The following KLF12 variants were observed in gnomAD, a reference collection of about 807,000 sequenced individuals.
KLF12 encodes Krueppel-like factor 12.
Under a neutral mutation model 37.8 loss-of-function variants are expected in KLF12, and 9 were observed. The observed-to-expected ratio is 0.24, with a 90% CI of 0.14 to 0.42. KLF12 has a LOEUF of 0.42. Ranked by LOEUF, KLF12 falls within the 10% of genes least tolerant of loss-of-function variation. KLF12 has a pLI of 1.00. For synonymous variants in KLF12, 208 were observed against 202.1 expected (o/e 1.03, Z -0.25); for missense variants, 411 against 516.0 (o/e 0.80, Z 1.97).
At chr13:73,884,708 T>A (rs1887136084) in intron 3 of KLF12, among the ~76,000 whole-genome samples, 1 of 152,246 alleles carries the variant, frequency 6.6e-6, no homozygotes, top group South Asian at 2.1e-4. Context: ...ATATGCCTAA[T>A]ATGACTGAAG....
the KLF12 span, among the ~76,000 whole-genome samples, chr13:74,287,200 G>A: frequency 6.6e-6 from 1 of 152,030 alleles, no homozygotes; most frequent in Admixed American, 6.5e-5. Context: ...GCTGGCTGCC[G>A]CTTCCACAGC....
intron 1 of KLF12, among the ~76,000 whole-genome samples, chr13:74,034,366 G>C (rs1306806889): frequency 6.6e-6 from 1 of 152,104 alleles, no homozygotes; most frequent in Non-Finnish European, 1.5e-5. Context: ...ACCACACCCG[G>C]CCCATTTATG....
At position 73,691,821 on chromosome 13, in the gene KLF12, A is replaced by G. The variant is rs1873839142; in HGVS notation, c.*3669T>C. ...AAGTGCAGAATTATGTTTAAAACAC[A>G]GATGGCAATTTAAAGTTAAAAAGAA... On this transcript the variant is annotated 3_prime_UTR_variant, in exon 8 of 8. Transcript: ENST00000377669. The G allele has an allele frequency of 6.6e-6, 1 of 152,640 alleles. No individual in the cohort carries two copies. Among genetic ancestry groups the G allele is most frequent in the Non-Finnish European group, 1.5e-5 (1 of 68,030 alleles). The allele number at this position is 152,640 out of a possible 1,614,324, so 9.5% of individuals were successfully genotyped here.
At position 73,741,993 on chromosome 13, in the gene KLF12, T is replaced by C. The variant is rs574432739; in HGVS notation, c.869+22945A>G. 2.7e-5 allele frequency among the ~76,000 whole-genome samples: 4 copies of C among 150,264 alleles called. No individual in the cohort carries two copies. The South Asian group carries it at 8.7e-4, about 33-fold the overall frequency. On this transcript the variant is annotated intron_variant, in intron 6 of 7. Coordinates refer to ENST00000377669, the MANE Select transcript of KLF12 (RefSeq NM_007249.5). ...CAACTGACAAGAGACTTCACTTTCC[T>C]GCAGTCACTCACGTTGACCTTTTAC... is the stretch of plus-strand genomic sequence containing the variant.
At chr13:73,960,261 C>A in intron 2 of KLF12, 1 of 183,420 alleles carries the variant, frequency 5.5e-6, no homozygotes, top group East Asian at 1.6e-4. Context: ...GTGAAAAAAA[C>A]AGTATGTTCC....
the KLF12 span, among the ~76,000 whole-genome samples, chr13:74,148,492 C>A: frequency 1.4e-5 from 2 of 143,826 alleles, no homozygotes; most frequent in South Asian, 2.4e-4. Context: ...CACTCCCCCC[C>A]CACCCCACCC....
the KLF12 span, among the ~76,000 whole-genome samples, chr13:74,186,985 G>T: frequency 6.6e-6 from 1 of 152,246 alleles, no homozygotes; most frequent in Non-Finnish European, 1.5e-5. Context: ...TATTAAATGA[G>T]CTATCATACA....
rs956858203 is a variant in KLF12, at chr13:73,860,614, C to T, written c.124-14241G>A. ...AATAAATAAGCTGGGTGTGGTGGTG[C>T]ACACCTGTAGTCTTAGCCATGCCAA... On this transcript the variant is annotated intron_variant, in intron 3 of 7. Coordinates refer to ENST00000377669, the MANE Select transcript of KLF12 (RefSeq NM_007249.5). 3.9e-5 allele frequency among the ~76,000 whole-genome samples: 6 copies of T among 152,132 alleles called. No homozygotes were observed. In the East Asian group the frequency reaches 7.7e-4, roughly 20 times the overall value.
chr13:74,293,169 T>C, the KLF12 span, among the ~76,000 whole-genome samples: 1 of 152,168 alleles, frequency 6.6e-6, no homozygotes, highest in East Asian at 1.9e-4. Context: ...GTTAAGACAA[T>C]GAGAATACAC....
intron 1 of KLF12, among the ~76,000 whole-genome samples, chr13:74,061,714 C>T (rs1442523193): frequency 2.6e-5 from 4 of 152,188 alleles, no homozygotes; most frequent in Non-Finnish European, 4.4e-5. Flanking sequence ...CATGGTGGCA[C>T]TCTCTGAGCA....
At chr13:74,088,907 T>C (rs1875481773) in intron 1 of KLF12, among the ~76,000 whole-genome samples, 2 of 152,220 alleles carry the variant, frequency 1.3e-5, no homozygotes, top group African/African-American at 4.8e-5. Flanking sequence ...AACAGGATGT[T>C]TCAAGACAAT....
chr13:74,186,210 T>C, the KLF12 span, among the ~76,000 whole-genome samples: 1 of 152,162 alleles, frequency 6.6e-6, no homozygotes, highest in Non-Finnish European at 1.5e-5. Flanking sequence ...TCTTAGGAGA[T>C]ATGTAAGAAA....
At chr13:74,116,219 C>T (rs1877295964) in intron 1 of KLF12, among the ~76,000 whole-genome samples, 2 of 152,184 alleles carry the variant, frequency 1.3e-5, no homozygotes, top group Admixed American at 6.5e-5. Context: ...TAAGAAATTA[C>T]TAAGGATTAC....
chr13:73,898,460 T>C (rs1459303823), intron 3 of KLF12, among the ~76,000 whole-genome samples: 1 of 152,182 alleles, frequency 6.6e-6, no homozygotes, highest in Non-Finnish European at 1.5e-5. Context: ...CAGTCATAAA[T>C]ATCTAGGGCC....
the KLF12 span, among the ~76,000 whole-genome samples, chr13:74,152,133 T>C: frequency 1.3e-5 from 2 of 152,210 alleles, no homozygotes; most frequent in Non-Finnish European, 2.9e-5. Flanking sequence ...ACTGGGCTCC[T>C]ACAGTGATGA....
Position 74,076,313 on chromosome 13 carries a change from T to A in KLF12, c.-32+57426A>T, listed in dbSNP as rs536757975. Among the ~76,000 whole-genome samples, 255 of 152,302 alleles carry A rather than the reference T, an allele frequency of 1.7e-3. 1 individual carries two copies. The highest frequency in any genetic ancestry group is 5.9e-3 in the African/African-American group (244 of 41,562). On this transcript the variant is annotated intron_variant, in intron 1 of 7. Transcript: ENST00000377669. ...CCTAGATTATAAAAACAAAATAACC[T>A]AGGTAATTTATAAAGTAGAGAAATT...
chr13:74,240,417 G>A, the KLF12 span, among the ~76,000 whole-genome samples: 1 of 74,452 alleles, frequency 1.3e-5, no homozygotes, highest in Admixed American at 1.5e-4. Flanking sequence ...TGACAATTAT[G>A]TGTCTTGGAG....
At chr13:73,970,299 C>A (rs1891293477) in intron 2 of KLF12, among the ~76,000 whole-genome samples, 2 of 151,524 alleles carry the variant, frequency 1.3e-5, no homozygotes, top group Non-Finnish European at 2.9e-5. Flanking sequence ...AACCTAATGA[C>A]AAGACACATA....
At chr13:74,260,768 T>C in the KLF12 span, among the ~76,000 whole-genome samples, 1 of 151,928 alleles carries the variant, frequency 6.6e-6, no homozygotes, top group Non-Finnish European at 1.5e-5. Flanking sequence ...GTAGGAATGC[T>C]GGGAAGAATA....
Sources: allele counts gnomAD v4.1 joint callset (sites outside exome capture counted in the v4.1 genomes callset), GRCh38; gene constraint gnomAD v4.1.1; transcripts MANE v1.5; gene names NCBI Gene and HGNC (gene_info 2026-07-23, HGNC 2026-07-21).